NELL1: variants seen among roughly 807,000 people sequenced by gnomAD.
NELL1 encodes the protein protein kinase C-binding protein NELL1.
A neutral mutation model predicts 107.4 loss-of-function variants in NELL1; 76 were observed. The ratio of observed to expected loss-of-function variants is 0.71; its 90% CI spans 0.59 to 0.86. The LOEUF is 0.86. NELL1 is among the 40% of genes least tolerant of loss of function. The pLI, the probability that NELL1 is intolerant of heterozygous loss-of-function variation, is 0.00. For missense variants in NELL1, 1,024 were observed against 1,005.5 expected (o/e 1.02, Z -0.25); for synonymous variants, 353 against 341.2 (o/e 1.03, Z -0.38).
At chr11:21,425,369 TCCTCAAACCTGTGACTATATTA>T (rs1852794863) in intron 15 of NELL1, among the ~76,000 whole-genome samples, 1 of 152,222 alleles carries the variant, frequency 6.6e-6, no homozygotes, top group African/African-American at 2.4e-5. Flanking sequence ...TCCCCAAATG[TCCTCAAACCTGTGACTATATTA>T]CCTTCCTTAG....
chr11:20,712,278 A>C (rs1482845708), intron 2 of NELL1, among the ~76,000 whole-genome samples: 1 of 151,616 alleles, frequency 6.6e-6, no homozygotes, highest in Non-Finnish European at 1.5e-5. Flanking sequence ...TATTTCTTTA[A>C]GTGTGTCTTT....
chr11:21,437,709 A>G (rs541303837), intron 15 of NELL1, among the ~76,000 whole-genome samples: 1 of 152,302 alleles, frequency 6.6e-6, no homozygotes, highest in South Asian at 2.1e-4. Flanking sequence ...TTTGTCTGAT[A>G]AAATTGTTTT....
At chr11:21,320,944 A>G (rs1849995629) in intron 14 of NELL1, among the ~76,000 whole-genome samples, 1 of 152,226 alleles carries the variant, frequency 6.6e-6, no homozygotes, top group Admixed American at 6.5e-5. Context: ...AATGAAAAGC[A>G]TTGCACATTT....
At chr11:20,860,875 G>A (rs1239595118) in intron 4 of NELL1, among the ~76,000 whole-genome samples, 1 of 152,148 alleles carries the variant, frequency 6.6e-6, no homozygotes, top group Non-Finnish European at 1.5e-5. Flanking sequence ...GATCACAGGT[G>A]GGGTGAAGGG....
At chr11:20,912,673 C>T (rs1564963424) in intron 5 of NELL1, among the ~76,000 whole-genome samples, 1 of 152,082 alleles carries the variant, frequency 6.6e-6, no homozygotes, top group Admixed American at 6.6e-5. Flanking sequence ...GGTCTGAAAC[C>T]TTTCCCTTAC....
chr11:21,276,310 G>A (rs1848857923), intron 14 of NELL1, among the ~76,000 whole-genome samples: 1 of 152,066 alleles, frequency 6.6e-6, no homozygotes, highest in African/African-American at 2.4e-5. Context: ...GCTTCAAAGA[G>A]AATAAAATAC....
chr11:20,878,146 G>A (rs1849339947), intron 4 of NELL1, among the ~76,000 whole-genome samples: 1 of 151,942 alleles, frequency 6.6e-6, no homozygotes, highest in African/African-American at 2.4e-5. Flanking sequence ...GGATCATGAG[G>A]TCAGGAGATC....
chr11:21,075,109 G>C (rs573835983), intron 12 of NELL1, among the ~76,000 whole-genome samples: 1 of 152,254 alleles, frequency 6.6e-6, no homozygotes, highest in South Asian at 2.1e-4. Context: ...GAAATGGCAA[G>C]AGGCATAAAA....
At chr11:20,780,190 G>A (rs1242862064) in intron 2 of NELL1, among the ~76,000 whole-genome samples, 1 of 152,082 alleles carries the variant, frequency 6.6e-6, no homozygotes, top group East Asian at 1.9e-4. Flanking sequence ...CATAAGAAAT[G>A]TTTCATTTTC....
At chr11:20,767,155 T>C (rs941793259) in intron 2 of NELL1, among the ~76,000 whole-genome samples, 2 of 152,194 alleles carry the variant, frequency 1.3e-5, no homozygotes, top group African/African-American at 4.8e-5. Flanking sequence ...CTTGCTGACT[T>C]CAAGAATGAA....
At chr11:21,432,910 A>T (rs1380285336) in intron 15 of NELL1, among the ~76,000 whole-genome samples, 1 of 152,132 alleles carries the variant, frequency 6.6e-6, no homozygotes, top group South Asian at 2.1e-4. Flanking sequence ...ACACTAAATG[A>T]TTGCTAACTG....
intron 2 of NELL1, among the ~76,000 whole-genome samples, chr11:20,755,847 C>T (rs1856266699): frequency 1.4e-5 from 2 of 147,520 alleles, no homozygotes; most frequent in East Asian, 2.0e-4. Flanking sequence ...TGAGCCACCA[C>T]GCCCAGCCAG....
intron 12 of NELL1, among the ~76,000 whole-genome samples, chr11:21,110,190 C>T (rs1198928245): frequency 2.0e-5 from 3 of 152,096 alleles, no homozygotes; most frequent in Non-Finnish European, 4.4e-5. Flanking sequence ...ATCTTTATTT[C>T]AGTGCTTTCT....
intron 14 of NELL1, among the ~76,000 whole-genome samples, chr11:21,258,423 A>G (rs1222979861): frequency 6.6e-6 from 1 of 152,014 alleles, no homozygotes; most frequent in Admixed American, 6.6e-5. Context: ...AAATCAACAT[A>G]TTTTATGGTT....
chr11:21,061,619 A>G (rs1302714500), intron 12 of NELL1, among the ~76,000 whole-genome samples: 1 of 152,054 alleles, frequency 6.6e-6, no homozygotes, highest in Non-Finnish European at 1.5e-5. Context: ...ACATTGCTCA[A>G]TTTGGTGCTG....
chr11:20,755,533 G>GTTTT (rs1564894850), intron 2 of NELL1, among the ~76,000 whole-genome samples: 7 of 60,574 alleles, frequency 1.2e-4, no homozygotes, highest in African/African-American at 3.0e-4. Context: ...GACCTGTGTG[G>GTTTT]GTTTTTGTTT....
rs1848806195 is a variant in NELL1 at position 20,852,150 on chromosome 11, A to G, written c.506+4397A>G. Reference sequence around the variant, plus strand: ...CTTAAGTGCAGTCTATCACATTTCAACTTAGCTCTTATTTTTTCAGACTTG... The same window carrying G: ...CTTAAGTGCAGTCTATCACATTTCAGCTTAGCTCTTATTTTTTCAGACTTG... On this transcript the variant is annotated intron_variant, in intron 4 of 19. Transcript: ENST00000357134. 2.0e-5 allele frequency among the ~76,000 whole-genome samples: 3 copies of G among 152,128 alleles called. No homozygotes were observed. In the South Asian group the frequency reaches 6.2e-4, roughly 32 times the overall value.
chr11:21,425,294 A>T (rs1354173249), intron 15 of NELL1, among the ~76,000 whole-genome samples: 1 of 152,112 alleles, frequency 6.6e-6, no homozygotes, highest in Non-Finnish European at 1.5e-5. Context: ...TAGCCAAAAA[A>T]AAATACAGTT....
At chr11:21,288,068 A>T (rs79561467) in intron 14 of NELL1, among the ~76,000 whole-genome samples, 1,606 of 151,696 alleles carry the variant, frequency 0.011, 31 homozygotes, top group African/African-American at 0.037. Context: ...GAAAGAAGGA[A>T]ATAAGGAAGG....
Sources: gnomAD v4.1 joint callset for allele counts (sites outside exome capture counted in the v4.1 genomes callset) on GRCh38, gnomAD v4.1.1 for gene constraint, MANE v1.5 for transcripts, NCBI Gene and HGNC (gene_info 2026-07-23, HGNC 2026-07-21) for gene names.